MEMO1: variants seen among roughly 807,000 people sequenced by gnomAD.
MEMO1 encodes the protein mediator of cell motility 1, also known as protein MEMO1.
Under a neutral mutation model 45.2 loss-of-function variants are expected in MEMO1, and 6 were observed. That is an observed-to-expected ratio of 0.13 (90% confidence interval 0.07 to 0.26). The LOEUF is 0.26. MEMO1 is among the 10% of genes least tolerant of loss of function. The pLI, the probability that MEMO1 is intolerant of heterozygous loss-of-function variation, is 1.00. For synonymous variants in MEMO1, 78 were observed against 124.3 expected, an observed-to-expected ratio of 0.63 and a Z score of 2.48; for missense variants, 184 against 370.5, an observed-to-expected ratio of 0.50 and a Z score of 4.13.
intron 2 of MEMO1, among the ~76,000 whole-genome samples, chr2:31,968,259 T>C (rs1354553673): frequency 6.6e-6 from 1 of 152,170 alleles, no homozygotes; most frequent in Non-Finnish European, 1.5e-5. Flanking sequence ...ATGATGAAAA[T>C]GCTTTGTAGG....
At chr2:31,930,811 A>ATTTTTTTTTTTTTTTTTTTTTTT (rs376524077) in intron 4 of MEMO1, among the ~76,000 whole-genome samples, 7 of 126,086 alleles carry the variant, frequency 5.6e-5, no homozygotes, top group African/African-American at 2.2e-4. Context: ...ACGCCTGGCA[A>ATTTTTTTTTTTTTTTTTTTTTTT]TTTTTTTTTT....
In MEMO1 at chr2:31,923,536, T is replaced by C. The variant is rs575815146; in HGVS notation, c.213-2626A>G. ...GTCACCTATCTTAATAGCACATAAA[T>C]AACATGACACTTTGTTTTAAATTAA... On this transcript the variant is annotated intron_variant, in intron 4 of 9. Transcript: ENST00000404530. 1.5e-4 allele frequency: 194 copies of C among 1,268,666 alleles called. 3 individuals carry two copies. In the East Asian group the frequency reaches 5.0e-3, roughly 33 times the overall value. 78.6% of individuals were successfully genotyped at this position (1,268,666 alleles called of 1,614,324 possible).
intron 8 of MEMO1, among the ~76,000 whole-genome samples, chr2:31,872,752 T>C (rs1558467465): frequency 1.3e-5 from 2 of 152,114 alleles, no homozygotes; most frequent in Admixed American, 6.5e-5. Flanking sequence ...ATAAACTTAG[T>C]AGTGCAAAAA....
intron 2 of MEMO1, among the ~76,000 whole-genome samples, chr2:31,960,142 A>G (rs1007683159): frequency 6.6e-5 from 10 of 151,890 alleles, no homozygotes; most frequent in Non-Finnish European, 1.3e-4. Flanking sequence ...AGTTGCAGTG[A>G]GTCGATATCA....
At chr2:31,922,656 G>A (rs1002380314) in intron 4 of MEMO1, among the ~76,000 whole-genome samples, 2 of 151,682 alleles carry the variant, frequency 1.3e-5, no homozygotes, top group East Asian at 1.9e-4. Flanking sequence ...AGTAGGTCTC[G>A]GTGTCTGTTG....
rs1343936067 is a variant in MEMO1 at position 31,868,048 on chromosome 2, T to C, written c.*313A>G. ...GCACAAGTCTGCAAAGAGTGCAAAT[T>C]TAGGATATGGTAAATGCTTTACAAG... On this transcript the variant is annotated 3_prime_UTR_variant, in exon 10 of 10. Transcript: ENST00000404530. 2 of 184,470 alleles carry C rather than the reference T, an allele frequency of 1.1e-5. No individual in the cohort carries two copies. Among genetic ancestry groups the C allele is most frequent in the Non-Finnish European group, 2.2e-5 (2 of 89,712 alleles). The allele number at this position is 184,470 out of a possible 1,614,324, so 11.4% of individuals were successfully genotyped here.
At chr2:31,901,158 A>C (rs1378400035) in intron 6 of MEMO1, among the ~76,000 whole-genome samples, 2 of 152,068 alleles carry the variant, frequency 1.3e-5, no homozygotes, top group Non-Finnish European at 2.9e-5. Context: ...GATCACTTTG[A>C]GCTCAGGAGT....
chr2:31,934,923 GT>G (rs1436234777), intron 3 of MEMO1, among the ~76,000 whole-genome samples: 1 of 152,170 alleles, frequency 6.6e-6, no homozygotes, highest in African/African-American at 2.4e-5. Context: ...AGAAGCAAAT[GT>G]GATAGAGTCT....
chr2:32,003,746 G>T (rs1479693258), intron 2 of MEMO1, among the ~76,000 whole-genome samples: 1 of 152,124 alleles, frequency 6.6e-6, no homozygotes, highest in South Asian at 2.1e-4. Context: ...CTGATAAACT[G>T]GACTTCTTTA....
At chr2:31,931,910 T>A (rs1181291666) in intron 4 of MEMO1, among the ~76,000 whole-genome samples, 157 bp downstream of exon 4, 1 of 152,166 alleles carries the variant, frequency 6.6e-6, no homozygotes, top group Non-Finnish European at 1.5e-5. Context: ...ATTGAAGTTT[T>A]CAGTAACCTA....
At position 31,959,872 on chromosome 2, in the gene MEMO1, T is replaced by C. The variant is rs188291400; in HGVS notation, c.62-16489A>G. ...GTATCTGACAACATGCTTCTGCAACTGCACTCAAATAGCAAACAACCTGAA... is the reference window on the plus strand; with the variant it reads ...GTATCTGACAACATGCTTCTGCAACCGCACTCAAATAGCAAACAACCTGAA... On this transcript the variant is annotated intron_variant, in intron 2 of 9. Transcript: ENST00000404530. Among the ~76,000 whole-genome samples the C allele has an allele frequency of 1.6e-3, 239 of 152,338 alleles. 1 individual carries two copies. The highest frequency in any genetic ancestry group is 5.3e-3 in the African/African-American group (221 of 41,586).
At chr2:31,943,242 G>A (rs1665817826) in intron 3 of MEMO1, 60 bp downstream of exon 3, 2 of 1,282,740 alleles carry the variant, frequency 1.6e-6, no homozygotes, top group Non-Finnish European at 1.1e-6. Flanking sequence ...TTCAGCCTGG[G>A]CGACACAGGG....
intron 9 of MEMO1, 89 bp from the exon 10 acceptor site, chr2:31,868,581 A>G (rs1673205104): frequency 8.1e-7 from 1 of 1,232,636 alleles, no homozygotes; most frequent in Non-Finnish European, 1.1e-6. Context: ...TCCACTTCAC[A>G]GCTGAAGCCT....
intron 6 of MEMO1, among the ~76,000 whole-genome samples, chr2:31,913,912 A>G (rs1681017801): frequency 6.6e-6 from 1 of 152,118 alleles, no homozygotes; most frequent in South Asian, 2.1e-4. Flanking sequence ...TAGCCTTATG[A>G]TGCGGTTTGA....
intron 6 of MEMO1, among the ~76,000 whole-genome samples, chr2:31,910,790 G>A (rs895932015): frequency 6.6e-6 from 1 of 152,120 alleles, no homozygotes; most frequent in African/African-American, 2.4e-5. Context: ...AGCCCAGGAG[G>A]TGGAAGTGGC....
chr2:31,894,308 C>T (rs1027510956), intron 6 of MEMO1, among the ~76,000 whole-genome samples: 3 of 152,138 alleles, frequency 2.0e-5, no homozygotes, highest in Non-Finnish European at 4.4e-5. Context: ...GGTATAAGTT[C>T]CATCAAGGAA....
At chr2:31,914,640 T>C (rs1456929178) in intron 6 of MEMO1, among the ~76,000 whole-genome samples, 1 of 152,102 alleles carries the variant, frequency 6.6e-6, no homozygotes, top group Non-Finnish European at 1.5e-5. Flanking sequence ...TTAAAAAATT[T>C]GTTTTCAATT....
At chr2:31,897,329 T>C (rs1678001199) in intron 6 of MEMO1, among the ~76,000 whole-genome samples, 1 of 152,234 alleles carries the variant, frequency 6.6e-6, no homozygotes, top group South Asian at 2.1e-4. Flanking sequence ...CTTTTGCCCA[T>C]GCAGTATGAT....
chr2:31,917,835 C>A (rs1199810354), intron 6 of MEMO1, 91 bp downstream of exon 6: 9 of 779,568 alleles, frequency 1.2e-5, no homozygotes, highest in Non-Finnish European at 1.7e-5. Context: ...AATCTCCTTA[C>A]CCTGATAATT....
Sources: gnomAD v4.1 joint callset for allele counts (sites outside exome capture counted in the v4.1 genomes callset) on GRCh38, gnomAD v4.1.1 for gene constraint, MANE v1.5 for transcripts, NCBI Gene and HGNC (gene_info 2026-07-23, HGNC 2026-07-21) for gene names.